Variants in SPIRE2 observed in about 807,000 individuals in gnomAD.
SPIRE2 encodes protein spire homolog 2.
In SPIRE2, 76 loss-of-function variants were observed where a neutral mutation model predicts 80.7. The ratio of observed to expected loss-of-function variants is 0.94; its 90% CI spans 0.78 to 1.14. The LOEUF (loss-of-function observed/expected upper bound fraction) is 1.14, where lower values mean the gene tolerates loss of function less well. SPIRE2 is among the 50% of genes most tolerant of loss of function. The pLI, the probability that SPIRE2 is intolerant of heterozygous loss-of-function variation, is 0.00. For synonymous variants in SPIRE2, 535 were observed against 432.6 expected (o/e 1.24, Z -2.94); for missense variants, 1,196 against 1,015.3 (o/e 1.18, Z -2.42).
At position 89,858,351 on chromosome 16, in the gene SPIRE2, G is replaced by C; in HGVS notation, c.1116G>C (p.Leu372=). The change falls in exon 8 of 15, where the codon CTG becomes CTC. Residue 372 remains leucine, a synonymous_variant. Transcript: ENST00000378247. Reference sequence around the variant, plus strand: ...CCGTCTCCCCAGGGTTTGGCTCTCTGCCCTGCATCCTCAACGCCTGCTCCG... The same window carrying C: ...CCGTCTCCCCAGGGTTTGGCTCTCTCCCCTGCATCCTCAACGCCTGCTCCG... The part of the protein sequence containing the change: ...EGWAARGFGS[L]PCILNACSGD... The C allele has an allele frequency of 1.2e-6, 2 of 1,605,248 alleles. No individual in the cohort carries two copies.
rs780977125 is a variant in SPIRE2, at chr16:89,870,237, T to C, written c.2110T>C (p.Tyr704His). 7 of 1,604,218 alleles carry C rather than the reference T, an allele frequency of 4.4e-6. No individual in the cohort carries two copies. In the South Asian group the frequency reaches 6.7e-5, roughly 15 times the overall value. The change falls in exon 15 of 15, where the codon TAC becomes CAC. Residue 704 changes from tyrosine to histidine, a missense_variant. Transcript: ENST00000378247. Reference protein sequence around the residue: ...PRRSRQTQSLYIPNTRTLDFK With the variant: ...PRRSRQTQSLHIPNTRTLDFK ...ACGCAGTCGCCAGACCCAATCCCTC[T>C]ACATCCCTAACACCAGGACTCTTGA...
chr16:89,835,400 TCCTACACCGACTCACCACCAG>T (rs375147408), intron 1 of SPIRE2, among the ~76,000 whole-genome samples: 60 of 152,248 alleles, frequency 3.9e-4, no homozygotes, highest in Middle Eastern at 3.4e-3. Context: ...TTCCAGGCCC[TCCTACACCGACTCACCACCAG>T]CCTGATGTTC....
Position 89,850,315 on chromosome 16 carries a change from C to A in SPIRE2, c.300C>A (p.Ser100=). 6.2e-7 allele frequency: 1 copy of A among 1,603,190 alleles called. No homozygotes were observed. The highest frequency in any genetic ancestry group is 2.2e-5 in the East Asian group (1 of 44,498). The change falls in exon 3 of 15, where the codon TCC becomes TCA. Residue 100 remains serine (S), a synonymous_variant. Coordinates refer to ENST00000378247, the MANE Select transcript of SPIRE2 (RefSeq NM_032451.2). ...CCCCTGTCCCGCAGACCGTGCAGTC[C>A]CTCGGCTTCGCCATCTACCGCGCGC... is the stretch of plus-strand genomic sequence containing the variant. ...LASSEAQTVQ[S]LGFAIYRALD...
In SPIRE2 at chr16:89,870,638, C is replaced by T. The variant is rs1174402278; in HGVS notation, c.*366C>T. 2 of 190,934 alleles carry T rather than the reference C, an allele frequency of 1.0e-5. No individual in the cohort carries two copies. The highest frequency in any genetic ancestry group is 2.3e-5 in the African/African-American group (1 of 42,706). 11.8% of individuals were successfully genotyped at this position (190,934 alleles called of 1,614,324 possible). On this transcript the variant is annotated 3_prime_UTR_variant, in exon 15 of 15. Coordinates refer to ENST00000378247, the MANE Select transcript of SPIRE2 (RefSeq NM_032451.2). ...AATGCGAACGGCAGTTTCCCTTCCCCAGTGGACGTCTAGGTGGGGACAGGG... is the reference window on the plus strand; with the variant it reads ...AATGCGAACGGCAGTTTCCCTTCCCTAGTGGACGTCTAGGTGGGGACAGGG...
At chr16:89,840,498 C>G (rs542112206) in intron 1 of SPIRE2, among the ~76,000 whole-genome samples, 1 of 151,392 alleles carries the variant, frequency 6.6e-6, no homozygotes, top group South Asian at 2.1e-4. Context: ...ATCCGCCCGC[C>G]TCGGCCTCCC....
chr16:89,858,409 T>A lies in SPIRE2; in HGVS notation c.1174T>A (p.Ser392Thr), dbSNP rs2143818680. 3 of 1,612,240 alleles carry A rather than the reference T, an allele frequency of 1.9e-6. No homozygotes were observed. The highest frequency in any genetic ancestry group is 2.5e-6 in the Non-Finnish European group (3 of 1,179,666). ...CAAGTCCACCTCCTGCATCAACCTG[T>A]CAGTCACAGATGCTGGGGGCAGCGC... ...DAKSTSCINL[S>T]VTDAGGSAQR... Residue 392 changes from serine (S) to threonine (T), a missense_variant, in exon 8 of 15, where the codon TCA becomes ACA. Physicochemically the swap from Ser to Thr is moderately conservative, Grantham distance 58. Transcript: ENST00000378247.
intron 2 of SPIRE2, chr16:89,847,224 C>G (rs368062558): frequency 1.3e-5 from 2 of 152,230 alleles, no homozygotes; most frequent in African/African-American, 4.8e-5. Context: ...GATGTTTAGA[C>G]TGCATGCGCT....
rs772885283 is a variant in SPIRE2, at chr16:89,850,339, G to T, written c.324G>T (p.Ala108=). Reference sequence around the variant, plus strand: ...CCCTCGGCTTCGCCATCTACCGCGCGCTGGACTGGGGGCTGGACGAGAGCG... The same window carrying T: ...CCCTCGGCTTCGCCATCTACCGCGCTCTGGACTGGGGGCTGGACGAGAGCG... ...VQSLGFAIYR[A]LDWGLDESEE... The change falls in exon 3 of 15, where the codon GCG becomes GCT. Residue 108 remains alanine, a synonymous_variant. Transcript: ENST00000378247. The T allele has an allele frequency of 1.9e-6, 3 of 1,600,738 alleles. No homozygotes were observed. The highest frequency in any genetic ancestry group is 2.3e-5 in the East Asian group (1 of 44,322).
rs377146694 is a variant in SPIRE2, at chr16:89,863,769, G to C, written c.1711-25G>C. 8.7e-6 allele frequency: 14 copies of C among 1,613,462 alleles called. No individual in the cohort carries two copies. The highest frequency in any genetic ancestry group is 1.2e-5 in the Non-Finnish European group (14 of 1,179,542). On this transcript the variant is annotated intron_variant, in intron 11 of 14. Transcript: ENST00000378247. This position sits in a 1 kb window ranked among gnomAD's most constrained non-coding sequence, Gnocchi z 4.3. Reference sequence around the variant, plus strand: ...CCCCAGGGAGCTTTGGACAAAGCGGGGCTCTAACCAGTCTCTCCTGACAGA... The same window carrying C: ...CCCCAGGGAGCTTTGGACAAAGCGGCGCTCTAACCAGTCTCTCCTGACAGA...
chr16:89,868,402 T>C (rs2041808258), intron 13 of SPIRE2, among the ~76,000 whole-genome samples, 186 bp downstream of exon 13: 1 of 152,228 alleles, frequency 6.6e-6, no homozygotes, highest in East Asian at 1.9e-4. Context: ...TTTTTGTTTT[T>C]AAACATTGCA....
intron 14 of SPIRE2, 44 bp from the exon 15 acceptor site, chr16:89,870,006 C>T (rs761968131): frequency 1.3e-6 from 2 of 1,554,228 alleles, no homozygotes; most frequent in Non-Finnish European, 8.8e-7. Flanking sequence ...GGGTGTGGCA[C>T]CCTGGCTGGC....
intron 1 of SPIRE2, among the ~76,000 whole-genome samples, chr16:89,834,965 A>G (rs2041431343): frequency 6.7e-6 from 1 of 149,024 alleles, no homozygotes; most frequent in South Asian, 2.1e-4. Context: ...TGGCCGTCGT[A>G]GAAGGCCCCA....
At chr16:89,856,930 G>A (rs1567676325) in intron 7 of SPIRE2, among the ~76,000 whole-genome samples, 1 of 151,628 alleles carries the variant, frequency 6.6e-6, no homozygotes, top group Non-Finnish European at 1.5e-5. Flanking sequence ...GCCAGGTGTG[G>A]TGGCACATGG....
intron 1 of SPIRE2, among the ~76,000 whole-genome samples, chr16:89,841,838 C>T (rs2041508786): frequency 6.6e-6 from 1 of 152,034 alleles, no homozygotes; most frequent in Non-Finnish European, 1.5e-5. Flanking sequence ...GCTGGGATTA[C>T]AGGCGTGTTC....
At chr16:89,865,069 C>G (rs576837633) in intron 12 of SPIRE2, among the ~76,000 whole-genome samples, 1 of 148,486 alleles carries the variant, frequency 6.7e-6, no homozygotes, top group East Asian at 2.0e-4. Flanking sequence ...TGCAGTGGCA[C>G]GATCTTGGCT....
chr16:89,839,077 C>G (rs1359412620), intron 1 of SPIRE2, among the ~76,000 whole-genome samples: 5 of 151,840 alleles, frequency 3.3e-5, no homozygotes, highest in Non-Finnish European at 7.4e-5. Flanking sequence ...CGCTGTGGCT[C>G]ACGCCTGTAA....
At chr16:89,868,588 G>T (rs1874472273) in intron 13 of SPIRE2, among the ~76,000 whole-genome samples, 2 of 152,162 alleles carry the variant, frequency 1.3e-5, no homozygotes, top group African/African-American at 4.8e-5. Flanking sequence ...TGTCAGCTGG[G>T]CACGGTGGCT....
intron 1 of SPIRE2, among the ~76,000 whole-genome samples, chr16:89,840,517 G>GA (rs1388597512): frequency 2.7e-5 from 4 of 148,880 alleles, no homozygotes; most frequent in African/African-American, 1.0e-4. Context: ...CCAAAGTGCT[G>GA]GATTACAGGC....
In SPIRE2 at chr16:89,854,276, G is replaced by A. The variant is rs1341106776; in HGVS notation, c.646-10G>A. On this transcript the variant is annotated splice_polypyrimidine_tract_variant and intron_variant, in intron 3 of 14. Transcript: ENST00000378247. ...ACCTCCCCTGGACTGACGAGCACGT[G>A]TGGTCACAGATGCTGCAGAAGCTTC... is the stretch of plus-strand genomic sequence containing the variant. 1 of 1,611,452 alleles carries A rather than the reference G, an allele frequency of 6.2e-7. No individual in the cohort carries two copies. The highest frequency in any genetic ancestry group is 8.5e-7 in the Non-Finnish European group (1 of 1,179,364).
Sources: gnomAD v4.1 joint callset for allele counts (sites outside exome capture counted in the v4.1 genomes callset) on GRCh38, gnomAD v4.1.1 for gene constraint, Gnocchi (gnomAD v3.1) non-coding constraint, MANE v1.5 for transcripts, NCBI Gene and HGNC (gene_info 2026-07-23, HGNC 2026-07-21) for gene names.